The following SPNS2 variants were observed in gnomAD, a reference collection of about 807,000 sequenced individuals.
SPNS2 encodes sphingosine-1-phosphate transporter SPNS2.
In SPNS2, 37 loss-of-function variants were observed where a neutral mutation model predicts 57.6. The ratio of observed to expected loss-of-function variants is 0.64; its 90% CI spans 0.49 to 0.85. SPNS2 has a LOEUF of 0.85. Ranked by LOEUF, SPNS2 falls within the 40% of genes least tolerant of loss-of-function variation. The pLI is 0.00. For synonymous variants in SPNS2, 440 were observed against 346.9 expected (o/e 1.27, Z -2.98); for missense variants, 831 against 779.1 (o/e 1.07, Z -0.79).
intron 3 of SPNS2, among the ~76,000 whole-genome samples, chr17:4,529,076 C>T (rs921025565): frequency 6.6e-6 from 1 of 151,610 alleles, no homozygotes; most frequent in African/African-American, 2.4e-5. Context: ...GCTGGGATCA[C>T]AGGCACCCGC....
At chr17:4,526,020 T>C (rs1905255758) in intron 3 of SPNS2, among the ~76,000 whole-genome samples, 1 of 152,194 alleles carries the variant, frequency 6.6e-6, no homozygotes, top group African/African-American at 2.4e-5. Flanking sequence ...ATGATCTGTC[T>C]TCAAGGAGCT....
At chr17:4,533,175 C>T (rs1280141832) in intron 7 of SPNS2, 46 bp downstream of exon 7, 4 of 1,582,076 alleles carry the variant, frequency 2.5e-6, no homozygotes, top group South Asian at 2.3e-5. Flanking sequence ...GGACCTCGGA[C>T]AGGAGAGCCC....
intron 2 of SPNS2, among the ~76,000 whole-genome samples, chr17:4,516,979 G>A (rs541260464): frequency 2.4e-4 from 36 of 152,316 alleles, no homozygotes; most frequent in South Asian, 8.3e-4. Context: ...ATGGCGCAAC[G>A]AACTTCCATA....
At chr17:4,536,985 G>T (rs766047381) in intron 12 of SPNS2, 39 bp downstream of exon 12, 1 of 1,608,716 alleles carries the variant, frequency 6.2e-7, no homozygotes, top group Non-Finnish European at 8.5e-7. Context: ...GCTCCCTAAG[G>T]AAAGGGGAAG....
At chr17:4,531,159 C>T (rs775081947) in intron 5 of SPNS2, 40 bp downstream of exon 5, 3 of 1,597,280 alleles carry the variant, frequency 1.9e-6, no homozygotes, top group Non-Finnish European at 1.7e-6. Context: ...ACCCTCCGGT[C>T]CAGACCTCGC....
chr17:4,527,617 A>T (rs1567593441), intron 3 of SPNS2, among the ~76,000 whole-genome samples: 1 of 152,156 alleles, frequency 6.6e-6, no homozygotes, highest in Non-Finnish European at 1.5e-5. Flanking sequence ...AGACACCCAA[A>T]CGGCCAATAC....
At chr17:4,514,299 G>T (rs920612763) in intron 2 of SPNS2, among the ~76,000 whole-genome samples, 2 of 152,200 alleles carry the variant, frequency 1.3e-5, no homozygotes, top group Non-Finnish European at 2.9e-5. Context: ...TCAGATGCAG[G>T]ATGAGGTCCC....
chr17:4,499,358 C>T lies in SPNS2; in HGVS notation c.311C>T (p.Ala104Val). 2 of 1,429,274 alleles carry T rather than the reference C, an allele frequency of 1.4e-6. No individual in the cohort carries two copies. Among genetic ancestry groups the T allele is most frequent in the Admixed American group, 2.9e-5 (1 of 34,370 alleles). 88.5% of individuals were successfully genotyped at this position (1,429,274 alleles called of 1,614,324 possible). ...PASLGRGRGA[A>V]AAILSLGNVL... Reference sequence around the variant, plus strand: ...AGCTTGGGCCGCGGGCGGGGGGCAGCCGCCGCCATCCTCAGCTTGGGCAAC... The same window carrying T: ...AGCTTGGGCCGCGGGCGGGGGGCAGTCGCCGCCATCCTCAGCTTGGGCAAC... The change falls in exon 1 of 13, where the codon GCC becomes GTC. Residue 104 changes from alanine (A) to valine (V), a missense_variant. Transcript: ENST00000329078. The surrounding 1 kb of genome is among the most constrained non-coding windows in gnomAD (Gnocchi z 5.2).
intron 3 of SPNS2, among the ~76,000 whole-genome samples, chr17:4,526,955 G>A (rs1288808164): frequency 6.6e-6 from 1 of 152,212 alleles, no homozygotes; most frequent in African/African-American, 2.4e-5. Flanking sequence ...AGGCCTCTAG[G>A]GCCCCTCAGG....
chr17:4,533,622 C>A (rs754193262), intron 8 of SPNS2, 166 bp from the exon 9 acceptor site: 1 of 1,025,612 alleles, frequency 9.8e-7, no homozygotes, highest in Non-Finnish European at 1.4e-6. Flanking sequence ...GCCTCAGGGC[C>A]GTGGGCATGG....
chr17:4,509,347 G>A (rs1904770092), intron 1 of SPNS2, among the ~76,000 whole-genome samples: 1 of 152,260 alleles, frequency 6.6e-6, no homozygotes, highest in African/African-American at 2.4e-5. Flanking sequence ...GGCTGAGGCA[G>A]GAGGATGGCT....
In SPNS2 at chr17:4,513,259, A is replaced by G; in HGVS notation, c.383A>G (p.Asp128Gly). 3.7e-6 allele frequency: 6 copies of G among 1,613,976 alleles called. No homozygotes were observed. The highest frequency in any genetic ancestry group is 5.1e-6 in the Non-Finnish European group (6 of 1,179,836). ...GTCTTCCCTCCAGGCGTCCTTCTGGACATCCAGCAGCACTTTGGGGTCAAG... is the reference window on the plus strand; with the variant it reads ...GTCTTCCCTCCAGGCGTCCTTCTGGGCATCCAGCAGCACTTTGGGGTCAAG... ...DRYTVAGVLL[D>G]IQQHFGVKDR... The change falls in exon 2 of 13, where the codon GAC becomes GGC. Residue 128 changes from aspartate (D) to glycine (G), a missense_variant. Physicochemically the swap from Asp to Gly is moderately conservative, Grantham distance 94. Coordinates refer to ENST00000329078, the MANE Select transcript of SPNS2 (RefSeq NM_001124758.3).
At position 4,537,725 on chromosome 17, in the gene SPNS2, A is replaced by C. The variant is rs746272331; in HGVS notation, c.*277A>C. ...GGCCCCTGGGGCCAAGGAAGAAGAC[A>C]GCCCCAAGTGGGTGTCCGGGGAGAG... On this transcript the variant is annotated 3_prime_UTR_variant, in exon 13 of 13. Coordinates refer to ENST00000329078, the MANE Select transcript of SPNS2 (RefSeq NM_001124758.3). 3 of 456,646 alleles carry C rather than the reference A, an allele frequency of 6.6e-6. No homozygotes were observed. The highest frequency in any genetic ancestry group is 1.3e-5 in the Non-Finnish European group (3 of 226,974). The allele number at this position is 456,646 out of a possible 1,614,324, so 28.3% of individuals were successfully genotyped here.
At chr17:4,520,355 C>T (rs1285363047) in intron 2 of SPNS2, among the ~76,000 whole-genome samples, 2 of 152,204 alleles carry the variant, frequency 1.3e-5, no homozygotes, top group Admixed American at 6.5e-5. Flanking sequence ...GCCCGTGCTT[C>T]CTGCTCCACT....
rs1326131737 is a variant in SPNS2 at position 4,510,136 on chromosome 17, G to A, written c.371-3111G>A. On this transcript the variant is annotated intron_variant, in intron 1 of 12. Coordinates refer to ENST00000329078, the MANE Select transcript of SPNS2 (RefSeq NM_001124758.3). The surrounding 1 kb of genome is among the most constrained non-coding windows in gnomAD (Gnocchi z 4.4). ...ATCTCACCCTCCTGTGGCTGTGGCC[G>A]CCTCCAGGCCCGGAAGAGGGAAAGC... Among the ~76,000 whole-genome samples the A allele has an allele frequency of 1.9e-4, 29 of 152,250 alleles. No homozygotes were observed. Among genetic ancestry groups the A allele is most frequent in the Admixed American group, 1.8e-3 (27 of 15,292 alleles).
rs560989558 is a variant in SPNS2 at position 4,513,175 on chromosome 17, A to G, written c.371-72A>G. The G allele has an allele frequency of 1.5e-5, 23 of 1,540,762 alleles. 1 individual carries two copies. The highest frequency in any genetic ancestry group is 1.5e-4 in the South Asian group (13 of 89,336). On this transcript the variant is annotated intron_variant, in intron 1 of 12. Transcript: ENST00000329078. Reference sequence around the variant, plus strand: ...CAGGCTGGGCCCTGCAAGGCGGGAAAGAGGCTGGGCTGGTCTGTGGGGACA... The same window carrying G: ...CAGGCTGGGCCCTGCAAGGCGGGAAGGAGGCTGGGCTGGTCTGTGGGGACA...
At position 4,537,465 on chromosome 17, in the gene SPNS2, C is replaced by T. The variant is rs755566647; in HGVS notation, c.*17C>T. The T allele has an allele frequency of 6.6e-6, 3 of 453,932 alleles. No individual in the cohort carries two copies. The highest frequency in any genetic ancestry group is 2.4e-5 in the Admixed American group (1 of 42,498). 28.1% of individuals were successfully genotyped at this position (453,932 alleles called of 1,614,324 possible). A position where few individuals can be genotyped will look rare whatever the true frequency, so the allele number is the denominator to read the frequency against. ...CCCCTTTCCCCAGGTGCCATTGGGA[C>T]AATGAAGAACCCACACTCCCACCTC... is the stretch of plus-strand genomic sequence containing the variant. On this transcript the variant is annotated 3_prime_UTR_variant, in exon 13 of 13. Coordinates refer to ENST00000329078, the MANE Select transcript of SPNS2 (RefSeq NM_001124758.3).
intron 3 of SPNS2, 119 bp from the exon 4 acceptor site, chr17:4,530,513 C>G (rs1389007770): frequency 1.6e-6 from 2 of 1,265,768 alleles, no homozygotes; most frequent in Non-Finnish European, 2.2e-6. Context: ...CACCAGCACC[C>G]TCACCCTTCT....
intron 4 of SPNS2, 127 bp from the exon 5 acceptor site, chr17:4,530,926 T>A: frequency 6.9e-7 from 1 of 1,444,890 alleles, no homozygotes; most frequent in Non-Finnish European, 9.4e-7. Flanking sequence ...TTTGAGAATC[T>A]CCTGGACCTG....
Sources: allele counts gnomAD v4.1 joint callset (sites outside exome capture counted in the v4.1 genomes callset), GRCh38; gene constraint gnomAD v4.1.1; non-coding constraint Gnocchi (gnomAD v3.1); transcripts MANE v1.5; gene names NCBI Gene and HGNC (gene_info 2026-07-23, HGNC 2026-07-21).